Variants in FBXO17 observed in about 807,000 individuals in gnomAD.
The protein encoded by FBXO17 is F-box protein 17.
FBXO17 carries 43 observed loss-of-function variants against 34.1 expected under a neutral mutation model. The observed-to-expected ratio is 1.26, with a 90% CI of 0.99 to 1.62. The LOEUF (loss-of-function observed/expected upper bound fraction) is 1.62. FBXO17 is among the 40% of genes most tolerant of loss of function. The pLI is 0.00. For missense variants in FBXO17, 424 were observed against 386.7 expected (o/e 1.10, Z -0.81); for synonymous variants, 169 against 166.0 (o/e 1.02, Z -0.14).
chr19:38,974,083 T>C (rs1235111083), intron 1 of FBXO17, among the ~76,000 whole-genome samples: 1 of 148,652 alleles, frequency 6.7e-6, no homozygotes, highest in Non-Finnish European at 1.5e-5. Context: ...TGTACATATA[T>C]AGTTTTTTTT....
intron 3 of FBXO17, chr19:38,946,821 G>A: frequency 1.9e-6 from 1 of 525,106 alleles, no homozygotes; most frequent in Non-Finnish European, 3.4e-6. Context: ...CATCTTTGTG[G>A]GACAGGACAT....
At chr19:38,968,450 C>A (rs1433475131) in intron 1 of FBXO17, among the ~76,000 whole-genome samples, 1 of 150,554 alleles carries the variant, frequency 6.6e-6, no homozygotes, top group Non-Finnish European at 1.5e-5. Flanking sequence ...TGCGCCACCA[C>A]CCTCCAGCTT....
intron 5 of FBXO17, 95 bp downstream of exon 5, chr19:38,944,874 A>G: frequency 6.5e-7 from 1 of 1,530,944 alleles, no homozygotes; most frequent in Middle Eastern, 1.8e-4. Context: ...GATTATAGAT[A>G]TCCAGGAGTG....
chr19:38,961,225 G>T (rs1251010138), intron 1 of FBXO17, among the ~76,000 whole-genome samples: 7 of 150,418 alleles, frequency 4.7e-5, no homozygotes, highest in African/African-American at 1.7e-4. Flanking sequence ...TATTAGTTAA[G>T]TTTTATTAAT....
intron 1 of FBXO17, among the ~76,000 whole-genome samples, chr19:38,959,283 C>CTTTCT (rs1555751457): frequency 3.5e-3 from 448 of 128,112 alleles, no homozygotes; most frequent in Middle Eastern, 7.5e-3. Flanking sequence ...TTCTTTCTTT[C>CTTTCT]TTTTTTTTTT....
chr19:38,948,594 G>C lies in FBXO17; in HGVS notation c.434C>G (p.Ser145Trp). 6.2e-7 allele frequency: 1 copy of C among 1,614,126 alleles called. No individual in the cohort carries two copies. The highest frequency in any genetic ancestry group is 8.5e-7 in the Non-Finnish European group (1 of 1,180,000). The change falls in exon 3 of 6, where the codon TCG becomes TGG. Residue 145 changes from serine (S) to tryptophan (W), a missense_variant. By Grantham distance (177) the Ser-to-Trp change is radical (BLOSUM62 -3). Transcript: ENST00000292852. ...GAAAGAGGTCACGAAGCAGGTCTGC[G>C]AAGGAGCCCCAGGCACCGGTGTTAG... is the stretch of plus-strand genomic sequence containing the variant. ...KNLTPVPGAP[S>W]QTCFVTSFEW...
intron 3 of FBXO17, chr19:38,947,355 G>A (rs1975000032): frequency 6.6e-6 from 1 of 152,232 alleles, no homozygotes; most frequent in South Asian, 2.1e-4. Flanking sequence ...AGAGCCCGAG[G>A]CAGGCGGATC....
In FBXO17 at chr19:38,950,267, A is replaced by G; in HGVS notation, c.53T>C (p.Leu18Pro). Residue 18 changes from leucine (L) to proline (P), a missense_variant, in exon 2 of 6, where the codon CTG becomes CCG. Coordinates refer to ENST00000292852, the MANE Select transcript of FBXO17 (RefSeq NM_024907.7). ...RRLPADPSLA[L>P]DALPPELLVQ... ...CAGCAGCTCCGGGGGCAGCGCGTCC[A>G]GGGCCAGGGATGGGTCCGCCGGCAG... 1.3e-6 allele frequency: 2 copies of G among 1,488,742 alleles called. No individual in the cohort carries two copies. Among genetic ancestry groups the G allele is most frequent in the South Asian group, 2.6e-5 (2 of 75,884 alleles). 92.2% of individuals were successfully genotyped at this position (1,488,742 alleles called of 1,614,324 possible).
At chr19:38,967,630 T>C in intron 1 of FBXO17, among the ~76,000 whole-genome samples, 1 of 151,762 alleles carries the variant, frequency 6.6e-6, no homozygotes, top group East Asian at 2.0e-4. Flanking sequence ...AGTGGCACGA[T>C]CTTGGCTCAC....
At chr19:38,952,894 T>C (rs1294649000) in intron 1 of FBXO17, 1 of 455,540 alleles carries the variant, frequency 2.2e-6, no homozygotes, top group Non-Finnish European at 4.4e-6. Context: ...ACTCGCATGA[T>C]CCTTCCAACC....
rs553784847 is a variant in FBXO17 at position 38,950,184 on chromosome 19, A to C, written c.136T>G (p.Cys46Gly). Residue 46 changes from cysteine to glycine, a missense_variant, in exon 2 of 6, where the codon TGC (cysteine) becomes GGC (glycine). Coordinates refer to ENST00000292852, the MANE Select transcript of FBXO17 (RefSeq NM_024907.7). The stretch of plus-strand genomic sequence containing the variant: ...TCCACTATGTCGCGCCAGGCGCGGC[A>C]CACTGGGCGGCATCGCGTGACCAAG... ...RSLVTRCRPV[C>G]RAWRDIVDGP... 6.4e-7 allele frequency: 1 copy of C among 1,558,050 alleles called. No individual in the cohort carries two copies. The highest frequency in any genetic ancestry group is 2.4e-5 in the East Asian group (1 of 41,624).
chr19:38,973,850 G>T (rs1423319759), intron 1 of FBXO17, among the ~76,000 whole-genome samples: 1 of 151,070 alleles, frequency 6.6e-6, no homozygotes, highest in Non-Finnish European at 1.5e-5. Flanking sequence ...TGGTGGGGGG[G>T]CGTGCACCTG....
intron 3 of FBXO17, chr19:38,947,216 T>G (rs1237941753): frequency 6.5e-6 from 1 of 152,682 alleles, no homozygotes; most frequent in Non-Finnish European, 1.5e-5. Context: ...CTCCTCAAAC[T>G]AGAATGTGCC....
At chr19:38,966,293 T>TGTGTGTGTGTGTGTG (rs1975319597) in intron 1 of FBXO17, among the ~76,000 whole-genome samples, 3 of 142,942 alleles carry the variant, frequency 2.1e-5, no homozygotes, top group South Asian at 2.3e-4. Context: ...ATTAAAAATT[T>TGTGTGTGTGTGTGTG]TGTGTGTGTG....
At chr19:38,969,906 A>AT (rs1975370299) in intron 1 of FBXO17, among the ~76,000 whole-genome samples, 1 of 151,792 alleles carries the variant, frequency 6.6e-6, no homozygotes, top group Admixed American at 6.6e-5. Flanking sequence ...CCCACTGGAC[A>AT]TTTTTTACTG....
chr19:38,971,203 T>C (rs1436030773), intron 1 of FBXO17, among the ~76,000 whole-genome samples: 1 of 151,844 alleles, frequency 6.6e-6, no homozygotes, highest in Admixed American at 6.6e-5. Flanking sequence ...CCCTCACGGT[T>C]GTAGGGAAAT....
chr19:38,971,429 G>A lies in FBXO17; in HGVS notation c.-18+4157C>T, dbSNP rs114335276. On this transcript the variant is annotated intron_variant, in intron 1 of 5. Coordinates refer to ENST00000292852, the MANE Select transcript of FBXO17 (RefSeq NM_024907.7). ...AGGACAAAAACTGAACCTCTGGCAC[G>A]ATCATTCGTTGAATTTGCAAAAGGA... Among the ~76,000 whole-genome samples, 724 of 152,208 alleles carry A rather than the reference G, an allele frequency of 4.8e-3. 8 individuals are homozygous for A. The highest frequency in any genetic ancestry group is 0.017 in the African/African-American group (692 of 41,540).
chr19:38,966,722 T>C (rs1975326225), intron 1 of FBXO17, among the ~76,000 whole-genome samples: 1 of 152,212 alleles, frequency 6.6e-6, no homozygotes, highest in Non-Finnish European at 1.5e-5. Context: ...TTACAGCTAT[T>C]TGATAAAGTT....
Position 38,948,569 on chromosome 19 carries a change from GA to G in FBXO17, c.458del (p.Phe153SerfsTer13). 6.2e-7 allele frequency: 1 copy of G among 1,613,560 alleles called. No homozygotes were observed. The highest frequency in any genetic ancestry group is 8.5e-7 in the Non-Finnish European group (1 of 1,179,600). On this transcript the variant is annotated frameshift_variant, in exon 3 of 6. Transcript: ENST00000292852. LOFTEE classifies it high-confidence loss of function. Reference protein sequence around the residue: ...APSQTCFVTSFEWCSKRQLVD... With the variant: ...APSQTCFVTSXEWCSKRQLVD... ...GGCCTCTCACTTGGGCCACTCACTC[GA>G]AAGAGGTCACGAAGCAGGTCTGCGA...
Sources: gnomAD v4.1 joint callset for allele counts (sites outside exome capture counted in the v4.1 genomes callset) on GRCh38, gnomAD v4.1.1 for gene constraint, MANE v1.5 for transcripts, NCBI Gene and HGNC (gene_info 2026-07-23, HGNC 2026-07-21) for gene names.